Variants in CADM2 observed in about 807,000 individuals in gnomAD.
CADM2 encodes cell adhesion molecule 2, also known as immunoglobulin superfamily member 4D.
CADM2 carries 12 observed loss-of-function variants against 49.8 expected under a neutral mutation model. The ratio of observed to expected loss-of-function variants is 0.24; its 90% CI spans 0.15 to 0.39. The LOEUF is 0.39. Ranked by LOEUF, CADM2 falls within the 10% of genes least tolerant of loss-of-function variation. CADM2 has a pLI of 1.00. For synonymous variants in CADM2, 214 were observed against 175.4 expected, an observed-to-expected ratio of 1.22 and a Z score of -1.74; for missense variants, 378 against 492.3, an observed-to-expected ratio of 0.77 and a Z score of 2.20.
At chr3:85,621,505 CATATA>C (rs1383442565) in intron 1 of CADM2, among the ~76,000 whole-genome samples, 1 of 152,050 alleles carries the variant, frequency 6.6e-6, no homozygotes, top group Non-Finnish European at 1.5e-5. Flanking sequence ...TTGCCTAGTA[CATATA>C]ATAGAAAATA....
intron 1 of CADM2, among the ~76,000 whole-genome samples, chr3:85,151,619 T>C (rs1409642941): frequency 6.6e-6 from 1 of 152,228 alleles, no homozygotes; most frequent in Non-Finnish European, 1.5e-5. Flanking sequence ...ATCCAAGTTA[T>C]GATGGCTCCC....
intron 1 of CADM2, among the ~76,000 whole-genome samples, chr3:85,401,555 C>A (rs9854583): frequency 1.1e-3 from 161 of 152,156 alleles, no homozygotes; most frequent in African/African-American, 3.8e-3. Flanking sequence ...CGCATCTATC[C>A]AAGGACACTT....
At position 85,783,882 on chromosome 3, in the gene CADM2, G is replaced by GA. The variant is rs1194805390; in HGVS notation, c.89-18160dup. On this transcript the variant is annotated intron_variant, in intron 2 of 9. Transcript: ENST00000383699. ...CTCTTTGGTGAGAAAACATTTGTCA[G>GA]AAAAATATGCACCACTTTTTTTTAA... Among the ~76,000 whole-genome samples the GA allele has an allele frequency of 4.6e-5, 7 of 152,250 alleles. No homozygotes were observed. The East Asian group carries it at 1.4e-3, about 29-fold the overall frequency.
At chr3:85,292,545 C>T (rs1199868592) in intron 1 of CADM2, among the ~76,000 whole-genome samples, 1 of 151,856 alleles carries the variant, frequency 6.6e-6, no homozygotes, top group Admixed American at 6.6e-5. Flanking sequence ...GGAAGTAAAG[C>T]TCTCCTCAGC....
At chr3:85,294,609 A>G (rs1286227887) in intron 1 of CADM2, among the ~76,000 whole-genome samples, 1 of 152,052 alleles carries the variant, frequency 6.6e-6, no homozygotes, top group Non-Finnish European at 1.5e-5. Context: ...TCAATGGAAC[A>G]GAACAGAGCC....
At chr3:85,469,944 C>T (rs752093791) in intron 1 of CADM2, among the ~76,000 whole-genome samples, 6 of 152,192 alleles carry the variant, frequency 3.9e-5, no homozygotes, top group Non-Finnish European at 5.9e-5. Flanking sequence ...TGGAGCATGA[C>T]AAGCCAGGAA....
chr3:85,185,107 G>A (rs973247312), intron 1 of CADM2, among the ~76,000 whole-genome samples: 1 of 152,016 alleles, frequency 6.6e-6, no homozygotes, highest in Non-Finnish European at 1.5e-5. Flanking sequence ...ACAATATATT[G>A]CAGCACTCTT....
intron 1 of CADM2, among the ~76,000 whole-genome samples, chr3:85,162,414 T>G (rs950936398): frequency 6.6e-6 from 1 of 152,108 alleles, no homozygotes; most frequent in Non-Finnish European, 1.5e-5. Flanking sequence ...TGTCAAAAAA[T>G]TTTTGGTAGG....
At chr3:85,951,959 A>C (rs1229098946) in intron 7 of CADM2, among the ~76,000 whole-genome samples, 1 of 151,040 alleles carries the variant, frequency 6.6e-6, no homozygotes, top group Non-Finnish European at 1.5e-5. Flanking sequence ...AGGGAAGTGA[A>C]CGGGAGAGGG....
At chr3:85,109,653 A>C (rs1348027947) in intron 1 of CADM2, among the ~76,000 whole-genome samples, 1 of 152,008 alleles carries the variant, frequency 6.6e-6, no homozygotes, top group Non-Finnish European at 1.5e-5. Flanking sequence ...GTATCACATT[A>C]GGCTCCAAAC....
intron 1 of CADM2, among the ~76,000 whole-genome samples, chr3:85,360,025 T>A (rs1050687168): frequency 6.6e-6 from 1 of 151,956 alleles, no homozygotes; most frequent in South Asian, 2.1e-4. Context: ...TGATACAATA[T>A]ATAAAATTAA....
intron 1 of CADM2, among the ~76,000 whole-genome samples, chr3:85,710,029 CG>C (rs1348046732): frequency 1.3e-5 from 2 of 152,086 alleles, no homozygotes; most frequent in Non-Finnish European, 2.9e-5. Context: ...CACAGCTCTC[CG>C]GAAATGGAAT....
At chr3:85,347,834 G>T (rs539107838) in intron 1 of CADM2, among the ~76,000 whole-genome samples, 1 of 149,776 alleles carries the variant, frequency 6.7e-6, no homozygotes, top group Non-Finnish European at 1.5e-5. Flanking sequence ...TTAAGATGGA[G>T]TCTCGCTCTG....
chr3:85,948,811 A>G (rs2108579949), intron 7 of CADM2, among the ~76,000 whole-genome samples: 1 of 151,742 alleles, frequency 6.6e-6, no homozygotes. Flanking sequence ...CAATGTGAAT[A>G]GGCAGACTTT....
chr3:85,360,713 A>G (rs917107782), intron 1 of CADM2, among the ~76,000 whole-genome samples: 2 of 152,108 alleles, frequency 1.3e-5, no homozygotes, highest in Non-Finnish European at 2.9e-5. Context: ...TTTGTTTCCA[A>G]TTCTGACACC....
chr3:85,403,159 A>G (rs1252773520), intron 1 of CADM2, among the ~76,000 whole-genome samples: 1 of 152,128 alleles, frequency 6.6e-6, no homozygotes, highest in African/African-American at 2.4e-5. Context: ...TCTTTAAAAC[A>G]TATTCTGGAG....
chr3:85,859,072 A>AT lies in CADM2; in HGVS notation c.239-24216dup, dbSNP rs574473095. Among the ~76,000 whole-genome samples the AT allele has an allele frequency of 5.5e-3, 841 of 152,212 alleles. 8 individuals carry two copies. Among genetic ancestry groups the AT allele is most frequent in the Non-Finnish European group, 8.4e-3 (574 of 68,014 alleles). Reference sequence around the variant, plus strand: ...TTACAAAACATTCTCATTGTATACTATTTGAGAAGTATAGAAATGATGAAA... The same window carrying AT: ...TTACAAAACATTCTCATTGTATACTATTTTGAGAAGTATAGAAATGATGAAA... On this transcript the variant is annotated intron_variant, in intron 3 of 9. Coordinates refer to ENST00000383699, the MANE Select transcript of CADM2 (RefSeq NM_001167675.2).
intron 1 of CADM2, among the ~76,000 whole-genome samples, chr3:85,610,506 T>A (rs941475606): frequency 6.6e-6 from 1 of 151,900 alleles, no homozygotes; most frequent in African/African-American, 2.4e-5. Context: ...ACAATAATAA[T>A]AGCAGCTATT....
chr3:85,027,261 C>T (rs1169975570), intron 1 of CADM2, among the ~76,000 whole-genome samples: 2 of 151,482 alleles, frequency 1.3e-5, no homozygotes, highest in African/African-American at 2.4e-5. Context: ...ACGTCAAGCG[C>T]CCGCCACCAA....
Sources: allele counts gnomAD v4.1 joint callset (sites outside exome capture counted in the v4.1 genomes callset), GRCh38; gene constraint gnomAD v4.1.1; transcripts MANE v1.5; gene names NCBI Gene and HGNC (gene_info 2026-07-23, HGNC 2026-07-21).